CAMK2B: variants seen among roughly 807,000 people sequenced by gnomAD.
CAMK2B encodes the protein calcium/calmodulin-dependent protein kinase type II subunit beta.
A neutral mutation model predicts 93.7 loss-of-function variants in CAMK2B; 27 were observed. The observed-to-expected ratio is 0.29, with a 90% CI of 0.21 to 0.40. The LOEUF is 0.40. Ranked by LOEUF, CAMK2B falls within the 10% of genes least tolerant of loss-of-function variation. The pLI is 1.00. For synonymous variants in CAMK2B, 374 were observed against 358.8 expected, an observed-to-expected ratio of 1.04 and a Z score of -0.48; for missense variants, 568 against 895.8, an observed-to-expected ratio of 0.63 and a Z score of 4.67.
chr7:44,256,106 C>T (rs568297642), intron 4 of CAMK2B, among the ~76,000 whole-genome samples: 1 of 152,306 alleles, frequency 6.6e-6, no homozygotes, highest in South Asian at 2.1e-4. Context: ...TGCTCACCCT[C>T]GCTCACTCCT....
chr7:44,281,026 C>A (rs183236058), intron 2 of CAMK2B, among the ~76,000 whole-genome samples: 3 of 152,338 alleles, frequency 2.0e-5, no homozygotes, highest in South Asian at 2.1e-4. Context: ...ATACTCCCCC[C>A]ACCCCCAGAA....
chr7:44,278,562 A>AT (rs2097072710), intron 2 of CAMK2B, among the ~76,000 whole-genome samples: 1 of 152,132 alleles, frequency 6.6e-6, no homozygotes. Context: ...AGGTCCCCGC[A>AT]TGGGGGAGGC....
In CAMK2B at chr7:44,268,516, G is replaced by A. The variant is rs541383034; in HGVS notation, c.161-5452C>T. 2.0e-5 allele frequency: 3 copies of A among 152,444 alleles called. No individual in the cohort carries two copies. The East Asian group carries it at 5.8e-4, about 29-fold the overall frequency. 9.4% of individuals were successfully genotyped at this position (152,444 alleles called of 1,614,324 possible). ...AAACACTGAGAGCCCAGCTGGTCTG[G>A]GTTACCTGCCTGCAGAGGCCCAAAC... On this transcript the variant is annotated intron_variant, in intron 2 of 23. Transcript: ENST00000395749.
intron 2 of CAMK2B, chr7:44,263,810 G>T (rs529167880): frequency 1.3e-5 from 2 of 154,306 alleles, no homozygotes; most frequent in East Asian, 3.9e-4. Context: ...CTGACAGAGG[G>T]AGGACTCCAT....
chr7:44,229,081 C>T (rs547604701), intron 18 of CAMK2B, 157 bp from the exon 19 acceptor site: 7 of 761,538 alleles, frequency 9.2e-6, no homozygotes, highest in South Asian at 3.0e-5. Flanking sequence ...AGGGAGCCCC[C>T]CCGCCCGCAA....
chr7:44,283,883 T>C (rs1366893850), intron 2 of CAMK2B, among the ~76,000 whole-genome samples: 2 of 152,188 alleles, frequency 1.3e-5, no homozygotes, highest in Non-Finnish European at 2.9e-5. Flanking sequence ...TGAGGGTCCC[T>C]TGGCACCCCC....
intron 1 of CAMK2B, among the ~76,000 whole-genome samples, chr7:44,289,393 G>A (rs1182896199): frequency 5.3e-5 from 8 of 152,224 alleles, no homozygotes; most frequent in Admixed American, 2.6e-4. Flanking sequence ...GCCCCCAGCA[G>A]GACCACACAA....
At chr7:44,269,975 G>A (rs1027663188) in intron 2 of CAMK2B, among the ~76,000 whole-genome samples, 2 of 152,256 alleles carry the variant, frequency 1.3e-5, no homozygotes, top group East Asian at 3.9e-4. Context: ...GAAGATGGCT[G>A]TAATAATGGT....
chr7:44,242,863 G>C (rs2096694435), intron 8 of CAMK2B, among the ~76,000 whole-genome samples: 1 of 152,162 alleles, frequency 6.6e-6, no homozygotes, highest in Non-Finnish European at 1.5e-5. Context: ...CACTATCACA[G>C]GGATGAGGGT....
intron 1 of CAMK2B, among the ~76,000 whole-genome samples, chr7:44,300,705 C>T (rs1789750774): frequency 6.6e-6 from 1 of 152,148 alleles, no homozygotes; most frequent in African/African-American, 2.4e-5. Flanking sequence ...CACAACTCTA[C>T]CAGAAATGGA....
chr7:44,278,168 T>C lies in CAMK2B; in HGVS notation c.160+5963A>G, dbSNP rs2129079821. Among the ~76,000 whole-genome samples the C allele has an allele frequency of 1.3e-5, 2 of 152,126 alleles. 1 individual carries two copies. The highest frequency in any genetic ancestry group is 1.3e-4 in the Admixed American group (2 of 15,294). ...CGTGGGACGATCCAGGACAGCTTCA[T>C]GGAGGAGGGGGCCCTGGGGCCTGCA... On this transcript the variant is annotated intron_variant, in intron 2 of 23. Coordinates refer to ENST00000395749, the MANE Select transcript of CAMK2B (RefSeq NM_001220.5).
At chr7:44,234,506 C>A in intron 14 of CAMK2B, 45 bp from the exon 15 acceptor site, 2 of 1,575,478 alleles carry the variant, frequency 1.3e-6, no homozygotes, top group South Asian at 1.2e-5. Flanking sequence ...AGAAGCCCCT[C>A]ACTCGCCATT....
chr7:44,231,082 A>G (rs2096574546), intron 16 of CAMK2B, 28 bp from the exon 17 acceptor site: 1 of 1,442,738 alleles, frequency 6.9e-7, no homozygotes, highest in Non-Finnish European at 9.3e-7. Flanking sequence ...GCAGCGGGTC[A>G]GGATGCGGCC....
chr7:44,300,884 T>C (rs938176832), intron 1 of CAMK2B, among the ~76,000 whole-genome samples: 1 of 152,130 alleles, frequency 6.6e-6, no homozygotes, highest in African/African-American at 2.4e-5. Flanking sequence ...TTTTGGGCCA[T>C]AAAAACACCC....
intron 5 of CAMK2B, among the ~76,000 whole-genome samples, chr7:44,253,077 G>A (rs562864942): frequency 6.6e-6 from 1 of 152,262 alleles, no homozygotes; most frequent in East Asian, 1.9e-4. Flanking sequence ...CAGGGATGCG[G>A]GCCATGTCAC....
At chr7:44,243,708 C>T (rs933048092) in intron 6 of CAMK2B, among the ~76,000 whole-genome samples, 181 bp from the exon 7 acceptor site, 20 of 152,096 alleles carry the variant, frequency 1.3e-4, no homozygotes, top group Non-Finnish European at 1.9e-4. Flanking sequence ...GAGTCCCAGA[C>T]GCTGAGCCTG....
chr7:44,242,388 G>T, intron 9 of CAMK2B, 48 bp from the exon 10 acceptor site: 1 of 1,594,806 alleles, frequency 6.3e-7, no homozygotes, highest in Non-Finnish European at 8.6e-7. Flanking sequence ...TCCCTCTCAG[G>T]CAGGGGCAAG....
chr7:44,257,853 G>A (rs931327197), intron 4 of CAMK2B, among the ~76,000 whole-genome samples: 3 of 152,274 alleles, frequency 2.0e-5, no homozygotes, highest in Non-Finnish European at 4.4e-5. Context: ...CTTGAGGAAG[G>A]AGGAGCTGAG....
rs538400837 is a variant in CAMK2B at position 44,324,118 on chromosome 7, AAC to A, written c.65+1237_65+1238del. ...CACGTGCAGGGAGAAGTGGGGAATG[AAC>A]ACACCCCCACACTCCTCCAGCTCCG... On this transcript the variant is annotated intron_variant, in intron 1 of 23. Transcript: ENST00000395749. Among the ~76,000 whole-genome samples, 132 of 152,312 alleles carry A rather than the reference AAC, an allele frequency of 8.7e-4. 2 individuals carry two copies. The highest frequency in any genetic ancestry group is 6.8e-3 in the Middle Eastern group (2 of 294).
Sources: allele counts gnomAD v4.1 joint callset (sites outside exome capture counted in the v4.1 genomes callset), GRCh38; gene constraint gnomAD v4.1.1; transcripts MANE v1.5; gene names NCBI Gene and HGNC (gene_info 2026-07-23, HGNC 2026-07-21).